ITFG2: variants seen among roughly 807,000 people sequenced by gnomAD.
ITFG2 encodes integrin alpha FG-GAP repeat containing 2.
Under a neutral mutation model 54.4 loss-of-function variants are expected in ITFG2, and 36 were observed. That is an observed-to-expected ratio of 0.66 (90% CI 0.51 to 0.87). ITFG2 has a LOEUF of 0.87. Among genes scored for constraint, ITFG2 ranks in the 40% least tolerant of loss-of-function variants. ITFG2 has a pLI of 0.00. For synonymous variants in ITFG2, 211 were observed against 225.4 expected, an observed-to-expected ratio of 0.94 and a Z score of 0.57; for missense variants, 524 against 576.7, an observed-to-expected ratio of 0.91 and a Z score of 0.94.
At position 2,824,299 on chromosome 12, in the gene ITFG2, AG is replaced by A; in HGVS notation, c.*108del. On this transcript the variant is annotated 3_prime_UTR_variant, in exon 12 of 12. Coordinates refer to ENST00000228799, the MANE Select transcript of ITFG2 (RefSeq NM_018463.4). The stretch of plus-strand genomic sequence containing the variant: ...TAGGGAATATGCATTACAGAAATGC[AG>A]GATTTGACTCTGGGCATGAAAGATG... 4 of 1,174,688 alleles carry A rather than the reference AG, an allele frequency of 3.4e-6. No individual in the cohort carries two copies. Among genetic ancestry groups the A allele is most frequent in the Non-Finnish European group, 5.0e-6 (4 of 798,508 alleles). 72.8% of individuals were successfully genotyped at this position (1,174,688 alleles called of 1,614,324 possible). A position where few individuals can be genotyped will look rare whatever the true frequency, so the allele number is the denominator to read the frequency against.
chr12:2,812,789 T>C lies in ITFG2; in HGVS notation c.29T>C (p.Val10Ala), dbSNP rs1160932839. The change falls in exon 1 of 12, where the codon GTG becomes GCG. Residue 10 changes from valine to alanine, a missense_variant. Transcript: ENST00000228799. Reference protein sequence around the residue: MRSVSYVQRVALEFSGSLFP... With the variant: MRSVSYVQRAALEFSGSLFP... ...AGGTCAGTTAGCTACGTGCAGCGCGTGGCGCTGGAGTTCAGCGGGAGCCTC... is the reference window on the plus strand; with the variant it reads ...AGGTCAGTTAGCTACGTGCAGCGCGCGGCGCTGGAGTTCAGCGGGAGCCTC... The C allele has an allele frequency of 1.2e-6, 2 of 1,612,146 alleles. No homozygotes were observed. Among genetic ancestry groups the C allele is most frequent in the South Asian group, 2.2e-5 (2 of 91,026 alleles).
chr12:2,820,323 G>C (rs2097939071), intron 5 of ITFG2, 98 bp downstream of exon 5: 13 of 1,392,798 alleles, frequency 9.3e-6, no homozygotes, highest in Non-Finnish European at 1.2e-5. Flanking sequence ...GGGCCAGGGT[G>C]GGGAGAAGTG....
At position 2,817,236 on chromosome 12, in the gene ITFG2, T is replaced by C. The variant is rs769039102; in HGVS notation, c.110T>C (p.Val37Ala). The C allele has an allele frequency of 4.3e-6, 7 of 1,612,668 alleles. No individual in the cohort carries two copies. In the African/African-American group the frequency reaches 6.7e-5, roughly 15 times the overall value. The change falls in exon 2 of 12, where the codon GTG (valine) becomes GCG (alanine). Residue 37 changes from valine to alanine, a missense_variant. Coordinates refer to ENST00000228799, the MANE Select transcript of ITFG2 (RefSeq NM_018463.4). ...DVDNDTLNEL[V>A]VGDTSGKVSV... ...CTCCATTTGAAGTTAAATGAACTGG[T>C]GGTGGGAGACACCAGCGGGAAGGTG...
At chr12:2,850,631 A>G (rs899188589) in intron 2 of ITFG2, among the ~76,000 whole-genome samples, 25 of 151,890 alleles carry the variant, frequency 1.6e-4, no homozygotes, top group African/African-American at 6.1e-4. Flanking sequence ...CAGTGTGCTC[A>G]CTGACTGATC....
chr12:2,837,591 T>C (rs1018559868), intron 1 of ITFG2, among the ~76,000 whole-genome samples: 1 of 151,956 alleles, frequency 6.6e-6, no homozygotes, highest in African/African-American at 2.4e-5. Flanking sequence ...GAGACAAGAT[T>C]GTGCCATTGC....
Position 2,817,514 on chromosome 12 carries a change from G to C in ITFG2, c.192+196G>C, listed in dbSNP as rs111988496. 8.8e-5 allele frequency: 51 copies of C among 578,456 alleles called. 1 individual carries two copies. The South Asian group carries it at 1.0e-3, about 12-fold the overall frequency. The allele number at this position is 578,456 out of a possible 1,614,324, so 35.8% of individuals were successfully genotyped here. A position where few individuals can be genotyped will look rare whatever the true frequency, so the allele number is the denominator to read the frequency against. ...TGCTCCCATCTGTCCTCACACACGC[G>C]TGCGTGGGCTGGGGTGTTTTTGTGT... On this transcript the variant is annotated intron_variant, in intron 2 of 11. Transcript: ENST00000228799.
chr12:2,855,159 G>C (rs1488699092), intron 2 of ITFG2: 2 of 1,525,616 alleles, frequency 1.3e-6, no homozygotes, highest in South Asian at 1.2e-5. Context: ...GCCAGCGCCA[G>C]ACATTGCTAT....
chr12:2,817,671 C>CTATTT (rs2097926018), intron 2 of ITFG2: 3 of 517,508 alleles, frequency 5.8e-6, no homozygotes, highest in Non-Finnish European at 1.0e-5. Flanking sequence ...TACAGAGTTT[C>CTATTT]TATTTTATTT....
At chr12:2,855,305 C>A in intron 2 of ITFG2, 1 of 1,528,220 alleles carries the variant, frequency 6.5e-7, no homozygotes, top group Non-Finnish European at 8.8e-7. Context: ...GACTTCATAT[C>A]TGTGCAGGGC....
At chr12:2,856,777 T>C (rs1283363950) in intron 2 of ITFG2, among the ~76,000 whole-genome samples, 1 of 152,102 alleles carries the variant, frequency 6.6e-6, no homozygotes, top group African/African-American at 2.4e-5. Flanking sequence ...TAGCCAGGCA[T>C]CTCCTCTCTG....
intron 1 of ITFG2, among the ~76,000 whole-genome samples, chr12:2,839,475 A>T (rs1414809220): frequency 6.6e-6 from 1 of 152,248 alleles, no homozygotes; most frequent in Non-Finnish European, 1.5e-5. Context: ...CTCTGAAGTG[A>T]ATGGATCTAA....
rs956282738 is a variant in ITFG2 at position 2,812,684 on chromosome 12, C to T, written c.-77C>T. The stretch of plus-strand genomic sequence containing the variant: ...TAACTTGCTGCCTTAGGTGGCCTTC[C>T]GCTCTGGCGGCTGTCGCGACGGGGG... On this transcript the variant is annotated 5_prime_UTR_variant, in exon 1 of 12. Coordinates refer to ENST00000228799, the MANE Select transcript of ITFG2 (RefSeq NM_018463.4). 1.8e-5 allele frequency: 23 copies of T among 1,278,438 alleles called. No homozygotes were observed. Among genetic ancestry groups the T allele is most frequent in the Non-Finnish European group, 2.3e-5 (20 of 881,444 alleles). The allele number at this position is 1,278,438 out of a possible 1,614,324, so 79.2% of individuals were successfully genotyped here. A position where few individuals can be genotyped will look rare whatever the true frequency, so the allele number is the denominator to read the frequency against.
intron 2 of ITFG2, among the ~76,000 whole-genome samples, chr12:2,843,322 C>T (rs2098045870): frequency 6.6e-6 from 1 of 152,226 alleles, no homozygotes. Context: ...GGAGAGCACA[C>T]CTCCCTACTG....
chr12:2,821,561 GTGGCTC>G lies in ITFG2; in HGVS notation c.817_822del (p.Ser273_Gly274del). The G allele has an allele frequency of 6.2e-7, 1 of 1,614,188 alleles. No individual in the cohort carries two copies. Among genetic ancestry groups the G allele is most frequent in the Non-Finnish European group, 8.5e-7 (1 of 1,180,032 alleles). ...CTCACAGGCCACGGCACTGAGAGTA[GTGGCTC>G]TGGCCTCTTTGCCCTGTGCACCCTG... On this transcript the variant is annotated inframe_deletion, in exon 8 of 12. Coordinates refer to ENST00000228799, the MANE Select transcript of ITFG2 (RefSeq NM_018463.4).
rs761007706 is a variant in ITFG2, at chr12:2,820,735, C to G, written c.558C>G (p.Leu186=). Residue 186 remains leucine (L), a synonymous_variant, in exon 6 of 12, where the codon CTC becomes CTG. Transcript: ENST00000228799. ...KWMLEGQVDS[L]SVTLGPLGLP... The stretch of plus-strand genomic sequence containing the variant: ...ATTCCCTGGTGCAGGTGGACAGCCT[C>G]TCAGTGACTCTGGGGCCACTGGGTC... The G allele has an allele frequency of 1.3e-4, 208 of 1,613,722 alleles. 5 individuals are homozygous for G. Among genetic ancestry groups the G allele is most frequent in the South Asian group, 1.3e-3 (114 of 91,078 alleles).
upstream of ITFG2, among the ~76,000 whole-genome samples, chr12:2,832,573 C>T (rs1232895147): frequency 6.6e-6 from 1 of 152,026 alleles, no homozygotes; most frequent in African/African-American, 2.4e-5. Flanking sequence ...CCAGGATACC[C>T]TCTCTGAGTT....
downstream of ITFG2, among the ~76,000 whole-genome samples, chr12:2,829,335 C>T (rs774616153): frequency 1.3e-5 from 2 of 152,198 alleles, no homozygotes; most frequent in Non-Finnish European, 2.9e-5. Context: ...ACACACACAT[C>T]GTTTTCTCAT....
intron 3 of ITFG2, 58 bp from the exon 4 acceptor site, chr12:2,818,048 G>A: frequency 6.2e-7 from 1 of 1,608,844 alleles, no homozygotes; most frequent in South Asian, 1.1e-5. Flanking sequence ...CTGATGATCA[G>A]GCTTGTTTCC....
At chr12:2,852,866 A>G (rs764467252) in intron 2 of ITFG2, among the ~76,000 whole-genome samples, 1 of 151,956 alleles carries the variant, frequency 6.6e-6, no homozygotes, top group Non-Finnish European at 1.5e-5. Context: ...AGGCATGGTG[A>G]CGGGAGCCTG....
Sources: allele counts gnomAD v4.1 joint callset (sites outside exome capture counted in the v4.1 genomes callset), GRCh38; gene constraint gnomAD v4.1.1; transcripts MANE v1.5; gene names NCBI Gene and HGNC (gene_info 2026-07-23, HGNC 2026-07-21).